The following RAB22A variants were observed in gnomAD, a reference collection of about 807,000 sequenced individuals.
RAB22A encodes the protein ras-related protein Rab-22A.
A neutral mutation model predicts 30.2 loss-of-function variants in RAB22A; 13 were observed. The observed-to-expected ratio is 0.43, with a 90% confidence interval of 0.28 to 0.68. The LOEUF (loss-of-function observed/expected upper bound fraction) is 0.68. RAB22A is among the 30% of genes least tolerant of loss of function. The pLI is 0.18. For missense variants in RAB22A, 177 were observed against 246.8 expected, an observed-to-expected ratio of 0.72 and a Z score of 1.89; for synonymous variants, 89 against 87.2, an observed-to-expected ratio of 1.02 and a Z score of -0.11.
chr20:58,322,139 GA>G (rs1465996491), intron 2 of RAB22A, among the ~76,000 whole-genome samples: 2 of 152,202 alleles, frequency 1.3e-5, no homozygotes, highest in Non-Finnish European at 2.9e-5. Flanking sequence ...CAAACGTCAT[GA>G]AATGTCTCTC....
chr20:58,352,821 C>T (rs1987075127), intron 3 of RAB22A, among the ~76,000 whole-genome samples: 1 of 152,214 alleles, frequency 6.6e-6, no homozygotes, highest in South Asian at 2.1e-4. Flanking sequence ...GATGTGTACT[C>T]ATTTCTGAAG....
At chr20:58,346,153 C>G (rs1340019790) in intron 3 of RAB22A, 1 of 152,882 alleles carries the variant, frequency 6.5e-6, no homozygotes, top group Non-Finnish European at 1.5e-5. Context: ...CTCCCAGCAT[C>G]CTGCTCTCAG....
At chr20:58,318,460 C>G (rs1986387389) in intron 2 of RAB22A, among the ~76,000 whole-genome samples, 1 of 152,134 alleles carries the variant, frequency 6.6e-6, no homozygotes, top group Non-Finnish European at 1.5e-5. Context: ...AGGAAATGCC[C>G]ATTGGAGTAT....
chr20:58,320,941 C>T (rs1986443772), intron 2 of RAB22A, among the ~76,000 whole-genome samples: 1 of 151,990 alleles, frequency 6.6e-6, no homozygotes, highest in Admixed American at 6.6e-5. Flanking sequence ...CCTGTAATCC[C>T]AGCACTTTGG....
At chr20:58,326,116 C>T (rs1349916859) in intron 2 of RAB22A, among the ~76,000 whole-genome samples, 1 of 151,928 alleles carries the variant, frequency 6.6e-6, no homozygotes, top group Non-Finnish European at 1.5e-5. Flanking sequence ...GCCTTGTCAG[C>T]GTTTGCATGG....
chr20:58,310,056 G>A, intron 1 of RAB22A, 44 bp downstream of exon 1: 1 of 1,257,732 alleles, frequency 8.0e-7, no homozygotes. Flanking sequence ...GGGAGGCTGG[G>A]CTGGCGGGGA....
At chr20:58,347,733 C>A (rs776952067) in intron 3 of RAB22A, among the ~76,000 whole-genome samples, 4 of 152,148 alleles carry the variant, frequency 2.6e-5, no homozygotes, top group South Asian at 2.1e-4. Context: ...CTTTGTGAGA[C>A]CATTTTGTCC....
chr20:58,318,102 A>G (rs1006012692), intron 2 of RAB22A, among the ~76,000 whole-genome samples: 1 of 146,634 alleles, frequency 6.8e-6, no homozygotes, highest in African/African-American at 2.5e-5. Flanking sequence ...TCTTCACCTC[A>G]AGTGATCCTC....
Position 58,361,656 on chromosome 20 carries a change from T to C in RAB22A, c.*1953T>C, listed in dbSNP as rs1987226398. 1 of 152,200 alleles carries C rather than the reference T, an allele frequency of 6.6e-6. No homozygotes were observed. Among genetic ancestry groups the C allele is most frequent in the Admixed American group, 6.5e-5 (1 of 15,282 alleles). The allele number at this position is 152,200 out of a possible 1,614,324, so 9.4% of individuals were successfully genotyped here. A position where few individuals can be genotyped will look rare whatever the true frequency, so the allele number is the denominator to read the frequency against. On this transcript the variant is annotated 3_prime_UTR_variant, in exon 7 of 7. Coordinates refer to ENST00000244040, the MANE Select transcript of RAB22A (RefSeq NM_020673.3). ...GGCATCCGGGCACCACCCTGGTGTG[T>C]CCCTAGAATTCCCACTGCTGGGCCT...
intron 3 of RAB22A, among the ~76,000 whole-genome samples, chr20:58,344,841 C>G (rs1200212030): frequency 6.6e-6 from 1 of 152,178 alleles, no homozygotes; most frequent in Non-Finnish European, 1.5e-5. Context: ...GGTTTAATGT[C>G]TTAAGTTTGC....
chr20:58,339,042 A>G (rs1219175498), intron 2 of RAB22A, among the ~76,000 whole-genome samples: 1 of 152,244 alleles, frequency 6.6e-6, no homozygotes, highest in Non-Finnish European at 1.5e-5. Context: ...GAGCACACCT[A>G]TGTTCCAGGA....
intron 2 of RAB22A, among the ~76,000 whole-genome samples, chr20:58,336,428 C>T (rs1047381953): frequency 2.0e-5 from 3 of 152,156 alleles, no homozygotes; most frequent in Non-Finnish European, 4.4e-5. Flanking sequence ...TTTTTGCCTA[C>T]ATCATCTGTC....
chr20:58,348,929 A>G (rs1362745599), intron 3 of RAB22A, among the ~76,000 whole-genome samples: 2 of 152,228 alleles, frequency 1.3e-5, no homozygotes, highest in African/African-American at 2.4e-5. Flanking sequence ...CCTTCACTCT[A>G]CAATAGTAGA....
rs1255963427 is a variant in RAB22A at position 58,362,021 on chromosome 20, A to G, written c.*2318A>G. The stretch of plus-strand genomic sequence containing the variant: ...CCCTCCCTCCCATATGTAGGGTGTG[A>G]TTCTGTTTTATTATAGCCACATGTT... On this transcript the variant is annotated 3_prime_UTR_variant, in exon 7 of 7. Coordinates refer to ENST00000244040, the MANE Select transcript of RAB22A (RefSeq NM_020673.3). 6.6e-6 allele frequency: 1 copy of G among 152,056 alleles called. No homozygotes were observed. The highest frequency in any genetic ancestry group is 1.5e-5 in the Non-Finnish European group (1 of 68,006). The allele number at this position is 152,056 out of a possible 1,614,324, so 9.4% of individuals were successfully genotyped here.
In RAB22A at chr20:58,367,444, T is replaced by C. The variant is rs1233843165; in HGVS notation, c.*7741T>C. On this transcript the variant is annotated 3_prime_UTR_variant, in exon 7 of 7. Transcript: ENST00000244040. ...CTTTTATAGAGTATAACATGCTAAA[T>C]CACTGTTTTGTTGTAAGAAGGGTGT... 6.6e-6 allele frequency: 1 copy of C among 152,666 alleles called. No individual in the cohort carries two copies. The highest frequency in any genetic ancestry group is 2.4e-5 in the African/African-American group (1 of 41,454). 9.5% of individuals were successfully genotyped at this position (152,666 alleles called of 1,614,324 possible).
intron 2 of RAB22A, among the ~76,000 whole-genome samples, chr20:58,342,576 A>T (rs995509720): frequency 6.6e-6 from 1 of 152,006 alleles, no homozygotes; most frequent in African/African-American, 2.4e-5. Flanking sequence ...TGAAAATGCC[A>T]GCCATTGAGT....
chr20:58,320,792 G>A (rs565390686), intron 2 of RAB22A, among the ~76,000 whole-genome samples: 5 of 152,064 alleles, frequency 3.3e-5, no homozygotes, highest in African/African-American at 7.2e-5. Flanking sequence ...GCGGTGGTTC[G>A]CACCTATAAT....
At chr20:58,319,565 A>G (rs1011683447) in intron 2 of RAB22A, among the ~76,000 whole-genome samples, 1 of 152,208 alleles carries the variant, frequency 6.6e-6, no homozygotes, top group Non-Finnish European at 1.5e-5. Context: ...AAATTTTAGA[A>G]TCACAGTGCC....
chr20:58,354,200 A>G lies in RAB22A; in HGVS notation c.422A>G (p.His141Arg), dbSNP rs564234602. The change falls in exon 6 of 7, where the codon CAT (histidine) becomes CGT (arginine). Residue 141 changes from histidine (H) to arginine (R), a missense_variant. By Grantham distance (29) the His-to-Arg change is conservative (BLOSUM62 0). Coordinates refer to ENST00000244040, the MANE Select transcript of RAB22A (RefSeq NM_020673.3). ...RDAKDYADSI[H>R]AIFVETSAKN... ...GCAAAGGACTACGCCGACTCTATTC[A>G]TGCAATTTTTGTAGAGACCAGCGCA... 49 of 1,613,958 alleles carry G rather than the reference A, an allele frequency of 3.0e-5. No homozygotes were observed. In the South Asian group the frequency reaches 5.1e-4, roughly 17 times the overall value.
Sources: allele counts gnomAD v4.1 joint callset (sites outside exome capture counted in the v4.1 genomes callset), GRCh38; gene constraint gnomAD v4.1.1; transcripts MANE v1.5; gene names NCBI Gene and HGNC (gene_info 2026-07-23, HGNC 2026-07-21).